Variants in OTX2 observed in about 807,000 individuals in gnomAD.
The protein encoded by OTX2 is orthodenticle homeobox 2, also known as homeobox protein OTX2.
A neutral mutation model predicts 29.0 loss-of-function variants in OTX2; 4 were observed. The observed-to-expected ratio is 0.14, with a 90% CI of 0.07 to 0.32. The LOEUF is 0.32. OTX2 is among the 10% of genes least tolerant of loss of function. The pLI is 1.00. For synonymous variants in OTX2, 134 were observed against 141.0 expected, an observed-to-expected ratio of 0.95 and a Z score of 0.35; for missense variants, 298 against 365.9, an observed-to-expected ratio of 0.81 and a Z score of 1.51.
Position 56,804,437 on chromosome 14 carries a change from G to A in OTX2, c.98-74C>T. 4 of 1,380,930 alleles carry A rather than the reference G, an allele frequency of 2.9e-6. No individual in the cohort carries two copies. The highest frequency in any genetic ancestry group is 1.4e-5 in the South Asian group (1 of 73,680). 85.5% of individuals were successfully genotyped at this position (1,380,930 alleles called of 1,614,324 possible). A position where few individuals can be genotyped will look rare whatever the true frequency, so the allele number is the denominator to read the frequency against. ...CTCCGACGCCCCTGCCCTCCACCCCGCAGCAGTCCCCCGTTCCTCACAGCC... is the reference window on the plus strand; with the variant it reads ...CTCCGACGCCCCTGCCCTCCACCCCACAGCAGTCCCCCGTTCCTCACAGCC... On this transcript the variant is annotated intron_variant, in intron 3 of 4. Transcript: ENST00000672264. This position sits in a 1 kb window ranked among gnomAD's most constrained non-coding sequence, Gnocchi z 4.1.
chr14:56,805,338 G>C (rs1206605791), intron 3 of OTX2, 22 bp downstream of exon 3: 22 of 1,513,148 alleles, frequency 1.5e-5, no homozygotes, highest in Non-Finnish European at 1.9e-5. Context: ...AGGGGTGCGG[G>C]AGTGCAGCAG....
chr14:56,808,655 C>T (rs1892172363), intron 2 of OTX2, among the ~76,000 whole-genome samples: 1 of 152,110 alleles, frequency 6.6e-6, no homozygotes, highest in Admixed American at 6.5e-5. Context: ...CTTTTGGTGC[C>T]TGTAAAAAGT....
Position 56,800,050 on chromosome 14 carries a change from T to C in OTX2, c.*1685A>G, listed in dbSNP as rs1411764942. On this transcript the variant is annotated 3_prime_UTR_variant, in exon 5 of 5. Coordinates refer to ENST00000672264, the MANE Select transcript of OTX2 (RefSeq NM_021728.4). ...CATGATCATTGGCCCATTTGTCTTTTCTGGTGACTGGTTTACAAAATGCAG... is the reference window on the plus strand; with the variant it reads ...CATGATCATTGGCCCATTTGTCTTTCCTGGTGACTGGTTTACAAAATGCAG... 1 of 152,208 alleles carries C rather than the reference T, an allele frequency of 6.6e-6. No individual in the cohort carries two copies. The highest frequency in any genetic ancestry group is 1.9e-4 in the East Asian group (1 of 5,192). 9.4% of individuals were successfully genotyped at this position (152,208 alleles called of 1,614,324 possible).
At chr14:56,803,383 T>C (rs1891961913) in intron 4 of OTX2, among the ~76,000 whole-genome samples, 1 of 152,230 alleles carries the variant, frequency 6.6e-6, no homozygotes, top group Admixed American at 6.5e-5. Context: ...GCCTTGCAAG[T>C]GCTAAAACTT....
chr14:56,802,115 A>T lies in OTX2; in HGVS notation c.514T>A (p.Leu172Met), dbSNP rs370354056. 6.2e-7 allele frequency: 1 copy of T among 1,614,188 alleles called. No individual in the cohort carries two copies. Among genetic ancestry groups the T allele is most frequent in the Non-Finnish European group, 8.5e-7 (1 of 1,180,034 alleles). Residue 172 changes from leucine (L) to methionine (M), a missense_variant, in exon 5 of 5, where the codon TTG becomes ATG. Leu to Met is a conservative substitution (Grantham distance 15). Coordinates refer to ENST00000672264, the MANE Select transcript of OTX2 (RefSeq NM_021728.4). The surrounding 1 kb of genome is among the most constrained non-coding windows in gnomAD (Gnocchi z 4.4). ...PASISPLSDP[L>M]STSSSCMQRS... is the part of the protein sequence containing the mutation. ...TGCATGCAGGAAGAGGAGGTGGACAAGGGATCTGACAGTGGGGAGATGGAA... is the reference window on the plus strand; with the variant it reads ...TGCATGCAGGAAGAGGAGGTGGACATGGGATCTGACAGTGGGGAGATGGAA...
intron 4 of OTX2, among the ~76,000 whole-genome samples, chr14:56,803,713 T>G (rs1891973063): frequency 6.6e-6 from 1 of 152,206 alleles, no homozygotes; most frequent in Non-Finnish European, 1.5e-5. Context: ...GAAAATACAT[T>G]CTTTTTGTGT....
At position 56,804,296 on chromosome 14, in the gene OTX2, C is replaced by T; in HGVS notation, c.165G>A (p.Arg55=). ...KQRRERTTFT[R]AQLDVLEALF... is the part of the protein sequence containing the mutation. The stretch of plus-strand genomic sequence containing the variant: ...GTGCTTCCAGCACATCTAGCTGCGC[C>T]CGAGTGAACGTCGTCCTCTCCCGGC... The change falls in exon 4 of 5, where the codon CGG becomes CGA. Residue 55 remains arginine (R), a synonymous_variant. Coordinates refer to ENST00000672264, the MANE Select transcript of OTX2 (RefSeq NM_021728.4). The surrounding 1 kb of genome is among the most constrained non-coding windows in gnomAD (Gnocchi z 4.1). The T allele has an allele frequency of 6.2e-7, 1 of 1,614,176 alleles. No individual in the cohort carries two copies. Among genetic ancestry groups the T allele is most frequent in the Non-Finnish European group, 8.5e-7 (1 of 1,180,044 alleles).
At position 56,804,138 on chromosome 14, in the gene OTX2, G is replaced by C; in HGVS notation, c.273+50C>G. The C allele has an allele frequency of 6.2e-7, 1 of 1,603,102 alleles. No homozygotes were observed. ...TGGGGCTCTCCACAGTCCCATACTC[G>C]GGAAGGGTGGCATGATCAGGAAGGA... is the stretch of plus-strand genomic sequence containing the variant. On this transcript the variant is annotated intron_variant, in intron 4 of 4. Coordinates refer to ENST00000672264, the MANE Select transcript of OTX2 (RefSeq NM_021728.4). This position sits in a 1 kb window ranked among gnomAD's most constrained non-coding sequence, Gnocchi z 4.1.
At chr14:56,808,343 C>A (rs1316861189) in intron 2 of OTX2, among the ~76,000 whole-genome samples, 1 of 152,108 alleles carries the variant, frequency 6.6e-6, no homozygotes, top group Non-Finnish European at 1.5e-5. Flanking sequence ...CGCGGACTGG[C>A]GACTGGCCTG....
chr14:56,808,339 C>T (rs773091500), intron 2 of OTX2, among the ~76,000 whole-genome samples: 1 of 152,182 alleles, frequency 6.6e-6, no homozygotes, highest in Admixed American at 6.5e-5. Context: ...ACTACGCGGA[C>T]TGGCGACTGG....
chr14:56,806,514 G>A (rs959445580), intron 2 of OTX2, among the ~76,000 whole-genome samples: 3 of 152,230 alleles, frequency 2.0e-5, no homozygotes, highest in Non-Finnish European at 2.9e-5. Context: ...TGTAGTGCAA[G>A]CTGCTTCCAT....
chr14:56,808,500 G>A (rs1892166197), intron 2 of OTX2, among the ~76,000 whole-genome samples: 1 of 152,156 alleles, frequency 6.6e-6, no homozygotes, highest in African/African-American at 2.4e-5. Flanking sequence ...ACCCGCGAGG[G>A]AGGGAGGAAG....
At chr14:56,807,886 T>A (rs1892142232) in intron 2 of OTX2, among the ~76,000 whole-genome samples, 1 of 152,148 alleles carries the variant, frequency 6.6e-6, no homozygotes, top group Non-Finnish European at 1.5e-5. Context: ...ACCTAGAAGC[T>A]GACCGCGGTC....
In OTX2 at chr14:56,801,112, A is replaced by T. The variant is rs984960530; in HGVS notation, c.*623T>A. Reference sequence around the variant, plus strand: ...GTTGCATACAATAACAGGAGATCACAGTTTTGAAGTCTAGCACAGATTAAA... The same window carrying T: ...GTTGCATACAATAACAGGAGATCACTGTTTTGAAGTCTAGCACAGATTAAA... On this transcript the variant is annotated 3_prime_UTR_variant, in exon 5 of 5. Coordinates refer to ENST00000672264, the MANE Select transcript of OTX2 (RefSeq NM_021728.4). The surrounding 1 kb of genome is among the most constrained non-coding windows in gnomAD (Gnocchi z 4.2). 6.3e-6 allele frequency: 1 copy of T among 158,502 alleles called. No individual in the cohort carries two copies. Among genetic ancestry groups the T allele is most frequent in the South Asian group, 1.8e-4 (1 of 5,494 alleles). 9.8% of individuals were successfully genotyped at this position (158,502 alleles called of 1,614,324 possible).
chr14:56,802,277 G>T lies in OTX2; in HGVS notation c.352C>A (p.Pro118Thr), dbSNP rs750013761. 1.2e-6 allele frequency: 2 copies of T among 1,614,142 alleles called. No homozygotes were observed. The highest frequency in any genetic ancestry group is 1.7e-6 in the Non-Finnish European group (2 of 1,180,036). The stretch of plus-strand genomic sequence containing the variant: ...GCTGGAGATGTCTTCTTTTTGGCAG[G>T]TCTCACTTTGTTTTGACCTCCATTC... ...QQNGGQNKVR[P>T]AKKKTSPARE... The change falls in exon 5 of 5, where the codon CCT becomes ACT. Residue 118 changes from proline (P) to threonine (T), a missense_variant. Pro to Thr is a conservative substitution (Grantham distance 38). Around this residue, in one of 3 missense-constraint regions of OTX2, gnomAD observed 219 missense variants for 223.5 expected, o/e 0.98. Transcript: ENST00000672264. The surrounding 1 kb of genome is among the most constrained non-coding windows in gnomAD (Gnocchi z 4.4).
At chr14:56,808,774 G>T (rs796291727) in intron 2 of OTX2, among the ~76,000 whole-genome samples, 23 of 152,308 alleles carry the variant, frequency 1.5e-4, no homozygotes, top group African/African-American at 4.6e-4. Context: ...CCGCAGGGTC[G>T]GCGCCGCTCG....
chr14:56,802,102 G>T lies in OTX2; in HGVS notation c.527C>A (p.Ser176Tyr). The T allele has an allele frequency of 6.2e-7, 1 of 1,614,228 alleles. No homozygotes were observed. Residue 176 changes from serine (S) to tyrosine (Y), a missense_variant, in exon 5 of 5, where the codon TCT becomes TAT. Transcript: ENST00000672264. The surrounding 1 kb of genome is among the most constrained non-coding windows in gnomAD (Gnocchi z 4.4). ...SPLSDPLSTS[S>Y]SCMQRSYPMT... ...GGGATAGGACCTCTGCATGCAGGAA[G>T]AGGAGGTGGACAAGGGATCTGACAG... is the stretch of plus-strand genomic sequence containing the variant.
Position 56,810,228 on chromosome 14 carries a change from A to C in OTX2, c.-183-6T>G, listed in dbSNP as rs900955099. 3.9e-5 allele frequency: 6 copies of C among 152,226 alleles called. No individual in the cohort carries two copies. The highest frequency in any genetic ancestry group is 1.3e-4 in the Admixed American group (2 of 15,286). The allele number at this position is 152,226 out of a possible 1,614,324, so 9.4% of individuals were successfully genotyped here. A position where few individuals can be genotyped will look rare whatever the true frequency, so the allele number is the denominator to read the frequency against. ...ATTCCAAATAGCCAGCTATCCTAAA[A>C]GAAATCAAGAGTATTGAGTTAGAAA... On this transcript the variant is annotated splice_region_variant and splice_polypyrimidine_tract_variant and intron_variant, in intron 1 of 4. Transcript: ENST00000672264.
At position 56,804,131 on chromosome 14, in the gene OTX2, CA is replaced by C; in HGVS notation, c.273+56del. ...AAAGACCTGGGGCTCTCCACAGTCC[CA>C]TACTCGGGAAGGGTGGCATGATCAG... is the stretch of plus-strand genomic sequence containing the variant. On this transcript the variant is annotated intron_variant, in intron 4 of 4. Coordinates refer to ENST00000672264, the MANE Select transcript of OTX2 (RefSeq NM_021728.4). This position sits in a 1 kb window ranked among gnomAD's most constrained non-coding sequence, Gnocchi z 4.1. The C allele has an allele frequency of 1.3e-6, 2 of 1,592,522 alleles. No individual in the cohort carries two copies. Among genetic ancestry groups the C allele is most frequent in the Non-Finnish European group, 1.7e-6 (2 of 1,160,520 alleles).
Sources: gnomAD v4.1 joint callset for allele counts (sites outside exome capture counted in the v4.1 genomes callset) on GRCh38, gnomAD v4.1.1 for gene constraint, gnomAD v4.1.1 regional missense constraint, Gnocchi (gnomAD v3.1) non-coding constraint, MANE v1.5 for transcripts, NCBI Gene and HGNC (gene_info 2026-07-23, HGNC 2026-07-21) for gene names.